The following AGBL4 variants were observed in gnomAD, a reference collection of about 807,000 sequenced individuals.
AGBL4 encodes AGBL carboxypeptidase 4, also known as cytosolic carboxypeptidase 6.
In AGBL4, 58 loss-of-function variants were observed where a neutral mutation model predicts 66.4. The observed-to-expected ratio is 0.87, with a 90% CI of 0.71 to 1.09. AGBL4 has a LOEUF of 1.09. Ranked by LOEUF, AGBL4 falls within the 50% of genes least tolerant of loss-of-function variation. The pLI is 0.00. For synonymous variants in AGBL4, 234 were observed against 222.9 expected (o/e 1.05, Z -0.44); for missense variants, 579 against 631.0 (o/e 0.92, Z 0.88).
chr1:49,255,066 G>C (rs1423449655), intron 3 of AGBL4, among the ~76,000 whole-genome samples: 3 of 152,088 alleles, frequency 2.0e-5, no homozygotes, highest in Non-Finnish European at 4.4e-5. Flanking sequence ...AACCCTGGAA[G>C]ACAACCTAGG....
intron 3 of AGBL4, among the ~76,000 whole-genome samples, chr1:49,350,496 C>T (rs1388007513): frequency 1.3e-5 from 2 of 152,204 alleles, no homozygotes; most frequent in African/African-American, 4.8e-5. Context: ...AGCCACCGCG[C>T]CCGGCCCTGA....
chr1:48,551,943 C>T (rs910441836), intron 11 of AGBL4, among the ~76,000 whole-genome samples: 1 of 152,130 alleles, frequency 6.6e-6, no homozygotes, highest in Non-Finnish European at 1.5e-5. Flanking sequence ...AGATGGAGAT[C>T]TGACCTCATT....
intron 3 of AGBL4, among the ~76,000 whole-genome samples, chr1:49,437,069 C>G (rs567033582): frequency 8.5e-5 from 13 of 152,110 alleles, no homozygotes; most frequent in Non-Finnish European, 1.9e-4. Context: ...TGGGGAGCAT[C>G]ATGGGCCCAG....
intron 3 of AGBL4, among the ~76,000 whole-genome samples, chr1:49,258,018 T>C (rs1557774492): frequency 1.3e-5 from 2 of 152,270 alleles, no homozygotes; most frequent in East Asian, 3.9e-4. Flanking sequence ...AATCCACGGT[T>C]CTGCAGACCC....
chr1:48,914,343 A>AT (rs2148885013), intron 5 of AGBL4, among the ~76,000 whole-genome samples: 1 of 152,258 alleles, frequency 6.6e-6, no homozygotes, highest in South Asian at 2.1e-4. Flanking sequence ...ACAGAACAGC[A>AT]TTTGCTGACC....
At chr1:49,312,409 G>C (rs1182459382) in intron 3 of AGBL4, among the ~76,000 whole-genome samples, 1 of 151,996 alleles carries the variant, frequency 6.6e-6, no homozygotes, top group Non-Finnish European at 1.5e-5. Flanking sequence ...ATAAATTTCT[G>C]TTTTTTATAA....
intron 9 of AGBL4, among the ~76,000 whole-genome samples, chr1:48,614,893 T>C (rs1048293614): frequency 7.2e-5 from 11 of 152,094 alleles, no homozygotes; most frequent in Admixed American, 5.2e-4. Flanking sequence ...ATATATAAAA[T>C]GGGGATGATA....
At chr1:48,986,856 T>C (rs766872543) in intron 5 of AGBL4, among the ~76,000 whole-genome samples, 1 of 152,042 alleles carries the variant, frequency 6.6e-6, no homozygotes, top group Non-Finnish European at 1.5e-5. Flanking sequence ...TAATGGAAAA[T>C]ATATTGATAT....
chr1:49,107,205 T>A (rs1246511937), intron 4 of AGBL4, among the ~76,000 whole-genome samples: 7 of 152,188 alleles, frequency 4.6e-5, no homozygotes, highest in Admixed American at 1.3e-4. Context: ...CATTCTATAT[T>A]TTTACTTTCA....
intron 1 of AGBL4, among the ~76,000 whole-genome samples, chr1:49,884,042 T>C (rs1233264491): frequency 2.6e-5 from 4 of 152,028 alleles, no homozygotes; most frequent in Non-Finnish European, 4.4e-5. Flanking sequence ...ATAACTTTTA[T>C]ATTTATTGAC....
intron 2 of AGBL4, among the ~76,000 whole-genome samples, chr1:49,780,929 C>T (rs542737216): frequency 7.9e-5 from 12 of 151,944 alleles, no homozygotes; most frequent in Middle Eastern, 3.4e-3. Flanking sequence ...ATTATAACTC[C>T]GGGGAAAAAC....
At chr1:48,709,837 C>G (rs776845176) in intron 6 of AGBL4, among the ~76,000 whole-genome samples, 2 of 152,028 alleles carry the variant, frequency 1.3e-5, no homozygotes, top group Non-Finnish European at 2.9e-5. Context: ...CTCCTGACCT[C>G]GTGATCCACC....
At chr1:49,821,210 A>G (rs774458868) in intron 2 of AGBL4, among the ~76,000 whole-genome samples, 1 of 152,186 alleles carries the variant, frequency 6.6e-6, no homozygotes, top group Non-Finnish European at 1.5e-5. Flanking sequence ...TTCATTTAAT[A>G]AATGTGTATT....
At chr1:48,556,438 T>C (rs982148888) in intron 11 of AGBL4, among the ~76,000 whole-genome samples, 2 of 152,214 alleles carry the variant, frequency 1.3e-5, no homozygotes, top group Non-Finnish European at 2.9e-5. Flanking sequence ...TGCTCCATTT[T>C]AGTAACTATA....
chr1:49,752,133 C>T (rs1651525399), intron 2 of AGBL4, among the ~76,000 whole-genome samples: 1 of 152,034 alleles, frequency 6.6e-6, no homozygotes, highest in Admixed American at 6.6e-5. Flanking sequence ...AATTTGTTTG[C>T]TCTTGATTCT....
At chr1:49,897,594 T>TA (rs1204878219) in intron 1 of AGBL4, among the ~76,000 whole-genome samples, 1 of 151,474 alleles carries the variant, frequency 6.6e-6, no homozygotes, top group Admixed American at 6.6e-5. Context: ...CACAAACATA[T>TA]AAAAAAAATC....
At chr1:48,909,752 C>A (rs893434933) in intron 5 of AGBL4, among the ~76,000 whole-genome samples, 1 of 152,182 alleles carries the variant, frequency 6.6e-6, no homozygotes, top group African/African-American at 2.4e-5. Flanking sequence ...ACATACAGAA[C>A]ACATACCATT....
intron 2 of AGBL4, among the ~76,000 whole-genome samples, chr1:49,784,533 T>C (rs977520448): frequency 6.6e-6 from 1 of 152,012 alleles, no homozygotes; most frequent in African/African-American, 2.4e-5. Context: ...AACATCTAAA[T>C]GTAAGAGCTA....
rs183244091 is a variant in AGBL4 at position 49,391,068 on chromosome 1, G to A, written c.283-145204C>T. On this transcript the variant is annotated intron_variant, in intron 3 of 13. Transcript: ENST00000371839. ...AAAGAGTGCTGAAGGAAGAAGGGACGGCATTCCTTGAAAGGAAATGTGCAA... is the reference window on the plus strand; with the variant it reads ...AAAGAGTGCTGAAGGAAGAAGGGACAGCATTCCTTGAAAGGAAATGTGCAA... Among the ~76,000 whole-genome samples the A allele has an allele frequency of 1.9e-3, 285 of 152,164 alleles. 2 individuals are homozygous for A. The highest frequency in any genetic ancestry group is 6.4e-3 in the African/African-American group (266 of 41,502).
Sources: allele counts gnomAD v4.1 joint callset (sites outside exome capture counted in the v4.1 genomes callset), GRCh38; gene constraint gnomAD v4.1.1; transcripts MANE v1.5; gene names NCBI Gene and HGNC (gene_info 2026-07-23, HGNC 2026-07-21).